The following MBOAT2 variants were observed in gnomAD, a reference collection of about 807,000 sequenced individuals.
MBOAT2 encodes membrane bound glycerophospholipid O-acyltransferase 2.
Under a neutral mutation model 63.4 loss-of-function variants are expected in MBOAT2, and 28 were observed. That is an observed-to-expected ratio of 0.44 (90% CI 0.33 to 0.61). MBOAT2 has a LOEUF of 0.61. MBOAT2 is among the 20% of genes least tolerant of loss of function. The pLI, the probability that MBOAT2 is intolerant of heterozygous loss-of-function variation, is 0.03. For missense variants in MBOAT2, 470 were observed against 605.8 expected, an observed-to-expected ratio of 0.78 and a Z score of 2.35; for synonymous variants, 211 against 215.6, an observed-to-expected ratio of 0.98 and a Z score of 0.19.
chr2:8,877,097 T>C lies in MBOAT2; in HGVS notation c.623A>G (p.His208Arg), dbSNP rs370566703. ...TCCATTTTCACCAGATTGTGTGATA[T>C]GGTATGATCTGCCTTCAATGAAAGT... The part of the protein sequence containing the change: ...YITFIEGRSY[H>R]ITQSGENGKE... The change falls in exon 7 of 13, where the codon CAT becomes CGT. Residue 208 changes from histidine to arginine, a missense_variant. Around this residue, in one of 3 missense-constraint regions of MBOAT2, gnomAD observed 376 missense variants for 503.8 expected, o/e 0.75. Transcript: ENST00000305997. 1.1e-5 allele frequency: 17 copies of C among 1,613,942 alleles called. No individual in the cohort carries two copies. The highest frequency in any genetic ancestry group is 3.3e-4 in the Middle Eastern group (2 of 6,084).
chr2:8,926,664 G>A (rs1227158502), intron 3 of MBOAT2, among the ~76,000 whole-genome samples: 1 of 152,226 alleles, frequency 6.6e-6, no homozygotes, highest in Non-Finnish European at 1.5e-5. Flanking sequence ...AACGGGTGCT[G>A]CGAAGCTGCC....
chr2:8,982,147 G>A (rs1449099535), intron 1 of MBOAT2, among the ~76,000 whole-genome samples: 1 of 152,046 alleles, frequency 6.6e-6, no homozygotes, highest in East Asian at 1.9e-4. Flanking sequence ...TACAGTACCT[G>A]GCACATGAAA....
chr2:8,923,246 G>A (rs1666708972), intron 3 of MBOAT2, among the ~76,000 whole-genome samples: 3 of 152,166 alleles, frequency 2.0e-5, no homozygotes, highest in African/African-American at 7.2e-5. Flanking sequence ...ATTGCTTACT[G>A]TTTCAGAGTC....
chr2:8,863,502 G>T (rs1189380757), intron 10 of MBOAT2, among the ~76,000 whole-genome samples: 2 of 152,074 alleles, frequency 1.3e-5, no homozygotes, highest in Non-Finnish European at 2.9e-5. Flanking sequence ...CACCCAGCCT[G>T]GCTTGCCTCT....
chr2:8,945,693 A>G (rs1342438485), intron 2 of MBOAT2, among the ~76,000 whole-genome samples: 1 of 152,160 alleles, frequency 6.6e-6, no homozygotes, highest in African/African-American at 2.4e-5. Context: ...GTGGATCATC[A>G]TCTTTTAAGC....
At chr2:9,001,687 C>T (rs537138039) in intron 1 of MBOAT2, among the ~76,000 whole-genome samples, 6 of 152,230 alleles carry the variant, frequency 3.9e-5, no homozygotes, top group Non-Finnish European at 7.3e-5. Context: ...CTCCTGCTTA[C>T]TTCAGTACTG....
intron 5 of MBOAT2, among the ~76,000 whole-genome samples, chr2:8,885,186 T>C (rs148715217): frequency 5.5e-4 from 84 of 152,308 alleles, no homozygotes; most frequent in African/African-American, 2.0e-3. Flanking sequence ...TTGCTTATCA[T>C]TTTCATGTAA....
chr2:8,960,326 T>C (rs1669519414), intron 1 of MBOAT2, among the ~76,000 whole-genome samples: 2 of 152,224 alleles, frequency 1.3e-5, no homozygotes, highest in Admixed American at 1.3e-4. Flanking sequence ...GCATCTACTA[T>C]GGGCAAACAT....
At chr2:8,943,346 T>G (rs1423628680) in intron 2 of MBOAT2, 82 bp from the exon 3 acceptor site, 2 of 771,902 alleles carry the variant, frequency 2.6e-6, no homozygotes, top group East Asian at 2.7e-5. Context: ...AAAAAATACT[T>G]ATGCATAACA....
chr2:8,874,758 G>C (rs938131016), intron 7 of MBOAT2, among the ~76,000 whole-genome samples: 4 of 152,170 alleles, frequency 2.6e-5, no homozygotes, highest in African/African-American at 9.7e-5. Context: ...AGACTGCCAA[G>C]TGTTTCCCAG....
At chr2:8,919,457 T>G (rs1200110413) in intron 3 of MBOAT2, among the ~76,000 whole-genome samples, 2 of 152,234 alleles carry the variant, frequency 1.3e-5, no homozygotes, top group Non-Finnish European at 2.9e-5. Flanking sequence ...GTTTTAATTT[T>G]ATTGTAGTTT....
At chr2:8,926,276 A>ACAGCAC (rs1385677715) in intron 3 of MBOAT2, among the ~76,000 whole-genome samples, 5 of 152,150 alleles carry the variant, frequency 3.3e-5, no homozygotes, top group African/African-American at 1.2e-4. Context: ...CTACAGGCAC[A>ACAGCAC]CAGCACCACA....
chr2:8,955,782 T>C (rs1402330611), intron 2 of MBOAT2, among the ~76,000 whole-genome samples: 2 of 152,212 alleles, frequency 1.3e-5, no homozygotes, highest in East Asian at 1.9e-4. Context: ...TCAATCACTA[T>C]GGTAAACTTC....
chr2:8,891,082 G>A (rs1230313781), intron 4 of MBOAT2, among the ~76,000 whole-genome samples: 2 of 152,202 alleles, frequency 1.3e-5, no homozygotes, highest in African/African-American at 4.8e-5. Flanking sequence ...GTGGTGACTG[G>A]TTTATAGAAA....
chr2:8,948,033 G>A (rs910039949), intron 2 of MBOAT2, among the ~76,000 whole-genome samples: 14 of 152,176 alleles, frequency 9.2e-5, no homozygotes, highest in African/African-American at 3.4e-4. Flanking sequence ...ATACATCTGT[G>A]ATTCATGGAA....
At chr2:8,976,479 A>G (rs1469894105) in intron 1 of MBOAT2, among the ~76,000 whole-genome samples, 1 of 152,168 alleles carries the variant, frequency 6.6e-6, no homozygotes, top group Non-Finnish European at 1.5e-5. Flanking sequence ...TACAAGCCAG[A>G]TAAAAAATAA....
At chr2:8,921,672 G>T (rs1255208620) in intron 3 of MBOAT2, among the ~76,000 whole-genome samples, 1 of 152,122 alleles carries the variant, frequency 6.6e-6, no homozygotes, top group Non-Finnish European at 1.5e-5. Context: ...GCTGGATCTA[G>T]AACTTGTAGT....
chr2:8,943,634 GGTT>G (rs1326987572), intron 2 of MBOAT2, among the ~76,000 whole-genome samples: 2 of 152,022 alleles, frequency 1.3e-5, no homozygotes, highest in Non-Finnish European at 2.9e-5. Flanking sequence ...ACAGAACATC[GGTT>G]GTTTCCCCAA....
In MBOAT2 at chr2:8,899,641, T is replaced by C. The variant is rs569687772; in HGVS notation, c.395+8980A>G. On this transcript the variant is annotated intron_variant, in intron 4 of 12. Transcript: ENST00000305997. ...GCACCTTCCAGTGATTGCCACTGCA[T>C]AGCGGACATGGATGAGGGGGTAGCT... Among the ~76,000 whole-genome samples, 17 of 152,336 alleles carry C rather than the reference T, an allele frequency of 1.1e-4. 1 individual carries two copies. In the South Asian group the frequency reaches 3.5e-3, roughly 32 times the overall value.
Sources: allele counts gnomAD v4.1 joint callset (sites outside exome capture counted in the v4.1 genomes callset), GRCh38; gene constraint gnomAD v4.1.1; regional missense constraint gnomAD v4.1.1; transcripts MANE v1.5; gene names NCBI Gene and HGNC (gene_info 2026-07-23, HGNC 2026-07-21).